SRGAP3: variants seen among roughly 807,000 people sequenced by gnomAD.
SRGAP3 encodes SLIT-ROBO Rho GTPase-activating protein 3.
Under a neutral mutation model 121.1 loss-of-function variants are expected in SRGAP3, and 39 were observed. The ratio of observed to expected loss-of-function variants is 0.32; its 90% CI spans 0.25 to 0.42. The LOEUF (loss-of-function observed/expected upper bound fraction) is 0.42, where lower values mean the gene tolerates loss of function less well. Among genes scored for constraint, SRGAP3 ranks in the 10% least tolerant of loss-of-function variants. The probability of loss-of-function intolerance (pLI) is 1.00; values close to 1 mark genes in which losing one functional copy is unlikely to be tolerated. For synonymous variants in SRGAP3, 601 were observed against 570.0 expected, an observed-to-expected ratio of 1.05 and a Z score of -0.77; for missense variants, 1,213 against 1,470.6, an observed-to-expected ratio of 0.82 and a Z score of 2.86.
chr3:9,249,116 T>C lies in SRGAP3; in HGVS notation c.-165A>G, dbSNP rs1044660776. ...AGAGCAGGGAGAAAAATCCTTCTCCTTCTGGAAGGAAAAATCTCTTTACTT... is the reference window on the plus strand; with the variant it reads ...AGAGCAGGGAGAAAAATCCTTCTCCCTCTGGAAGGAAAAATCTCTTTACTT... On this transcript the variant is annotated 5_prime_UTR_variant, in exon 1 of 22. Transcript: ENST00000383836. 2.8e-6 allele frequency: 2 copies of C among 719,946 alleles called. No homozygotes were observed. Among genetic ancestry groups the C allele is most frequent in the African/African-American group, 1.8e-5 (1 of 56,418 alleles). 44.6% of individuals were successfully genotyped at this position (719,946 alleles called of 1,614,324 possible). A position where few individuals can be genotyped will look rare whatever the true frequency, so the allele number is the denominator to read the frequency against.
chr3:9,306,609 G>T (rs1454889758), intron 3 of SRGAP3, among the ~76,000 whole-genome samples: 2 of 152,172 alleles, frequency 1.3e-5, no homozygotes, highest in Non-Finnish European at 2.9e-5. Context: ...TTAAGGAAGG[G>T]ATCCAGTTTC....
chr3:9,031,534 CT>C (rs1944481418), intron 12 of SRGAP3, among the ~76,000 whole-genome samples: 1 of 152,184 alleles, frequency 6.6e-6, no homozygotes, highest in Non-Finnish European at 1.5e-5. Flanking sequence ...TCCACTTGCC[CT>C]TTTCCCCACT....
intron 21 of SRGAP3, among the ~76,000 whole-genome samples, chr3:8,989,364 G>T (rs1269674775): frequency 1.3e-5 from 2 of 152,226 alleles, no homozygotes; most frequent in Non-Finnish European, 2.9e-5. Context: ...GAATGGGCAT[G>T]GGGCCAAACT....
At chr3:9,045,344 T>G (rs1386224282) in intron 10 of SRGAP3, among the ~76,000 whole-genome samples, 1 of 152,144 alleles carries the variant, frequency 6.6e-6, no homozygotes, top group Admixed American at 6.5e-5. Context: ...GCTGCCCCTC[T>G]ACTTCTGAAA....
intron 17 of SRGAP3, among the ~76,000 whole-genome samples, chr3:9,011,163 G>C (rs1172389302): frequency 1.3e-5 from 2 of 152,058 alleles, no homozygotes; most frequent in African/African-American, 2.4e-5. Flanking sequence ...ATTGTAGGGA[G>C]AGGGACAAGA....
At chr3:9,272,947 T>C (rs1353442133) in intron 3 of SRGAP3, among the ~76,000 whole-genome samples, 1 of 152,178 alleles carries the variant, frequency 6.6e-6, no homozygotes, top group Non-Finnish European at 1.5e-5. Context: ...GTCTATTTGT[T>C]TGTTTTGGAT....
In SRGAP3 at chr3:9,047,394, C is replaced by T. The variant is rs140747772; in HGVS notation, c.1405G>A (p.Glu469Lys). 11 of 1,614,030 alleles carry T rather than the reference C, an allele frequency of 6.8e-6. No individual in the cohort carries two copies. The highest frequency in any genetic ancestry group is 2.7e-5 in the African/African-American group (2 of 74,924). The change falls in exon 10 of 22, where the codon GAA becomes AAA. Residue 469 changes from glutamate to lysine, a missense_variant. By Grantham distance (56) the Glu-to-Lys change is moderately conservative. This residue lies in a region of SRGAP3 where 793 missense variants were observed against 1,032.9 expected (regional missense o/e 0.77). Transcript: ENST00000383836. ...GGGCCTCCACCAGCCCACTCACCTT[C>T]GCCCAGGGTCTGCTTGAGTAAATCG... ...KHDLLKQTLGEGERAECGTTR... is the reference protein window; with the variant it reads ...KHDLLKQTLGKGERAECGTTR...
intron 3 of SRGAP3, among the ~76,000 whole-genome samples, chr3:9,101,101 C>T (rs927172758): frequency 5.3e-5 from 8 of 152,280 alleles, no homozygotes; most frequent in South Asian, 2.1e-4. Context: ...TTTCGGCATT[C>T]GGGAGAATTT....
chr3:9,201,605 T>C (rs1398137399), intron 1 of SRGAP3, among the ~76,000 whole-genome samples: 1 of 152,184 alleles, frequency 6.6e-6, no homozygotes, highest in African/African-American at 2.4e-5. Context: ...GGTTCCTTCC[T>C]AACTAGGGAG....
chr3:9,227,791 C>A (rs987810012), intron 1 of SRGAP3, among the ~76,000 whole-genome samples: 39 of 152,188 alleles, frequency 2.6e-4, no homozygotes, highest in African/African-American at 9.2e-4. Context: ...TCCCTCATTC[C>A]CCTCAGGGGT....
At chr3:9,145,981 G>T (rs1162270757) in intron 1 of SRGAP3, among the ~76,000 whole-genome samples, 2 of 152,206 alleles carry the variant, frequency 1.3e-5, no homozygotes, top group Non-Finnish European at 2.9e-5. Context: ...GGCAGAAAGG[G>T]CTCCTTGTAG....
At chr3:9,173,070 C>A (rs1270014031) in intron 1 of SRGAP3, among the ~76,000 whole-genome samples, 2 of 152,192 alleles carry the variant, frequency 1.3e-5, no homozygotes, top group Non-Finnish European at 2.9e-5. Context: ...CAGGGCCAGC[C>A]GAGTCAGCTG....
At chr3:9,184,041 T>G (rs1245027746) in intron 1 of SRGAP3, among the ~76,000 whole-genome samples, 1 of 152,074 alleles carries the variant, frequency 6.6e-6, no homozygotes, top group Non-Finnish European at 1.5e-5. Context: ...TCGGGGGCCC[T>G]TTGAAAAAAA....
chr3:9,108,084 G>A (rs1252891316), intron 2 of SRGAP3, among the ~76,000 whole-genome samples: 1 of 152,172 alleles, frequency 6.6e-6, no homozygotes, highest in African/African-American at 2.4e-5. Context: ...ACATGAGGCT[G>A]GGGATACAGA....
intron 2 of SRGAP3, among the ~76,000 whole-genome samples, chr3:9,121,575 T>C (rs979536512): frequency 1.3e-5 from 2 of 152,126 alleles, no homozygotes; most frequent in Non-Finnish European, 2.9e-5. Flanking sequence ...AATTAGACTT[T>C]CATAGTGCGT....
intron 1 of SRGAP3, among the ~76,000 whole-genome samples, chr3:9,242,527 C>G (rs1256142680): frequency 6.6e-6 from 1 of 152,034 alleles, no homozygotes; most frequent in South Asian, 2.1e-4. Flanking sequence ...CCCAGCTACT[C>G]GGTAGGCTGA....
chr3:9,017,738 T>C (rs1481069848), intron 14 of SRGAP3, among the ~76,000 whole-genome samples: 1 of 152,180 alleles, frequency 6.6e-6, no homozygotes, highest in African/African-American at 2.4e-5. Context: ...TACTGATATA[T>C]AACATTTTAA....
chr3:9,052,446 A>G (rs1018664567), intron 9 of SRGAP3, among the ~76,000 whole-genome samples: 3 of 152,254 alleles, frequency 2.0e-5, no homozygotes, highest in Non-Finnish European at 4.4e-5. Flanking sequence ...AACTGACTCA[A>G]GCATCCCATG....
intron 3 of SRGAP3, among the ~76,000 whole-genome samples, chr3:9,272,109 G>A (rs1037915111): frequency 6.6e-6 from 1 of 152,214 alleles, no homozygotes; most frequent in East Asian, 1.9e-4. Flanking sequence ...TTACTGGGCA[G>A]CTAGGACCTT....
Sources: allele counts gnomAD v4.1 joint callset (sites outside exome capture counted in the v4.1 genomes callset), GRCh38; gene constraint gnomAD v4.1.1; regional missense constraint gnomAD v4.1.1; transcripts MANE v1.5; gene names NCBI Gene and HGNC (gene_info 2026-07-23, HGNC 2026-07-21).